Variants in TAFA2 observed in about 807,000 individuals in gnomAD.
The protein encoded by TAFA2 is TAFA chemokine like family member 2.
TAFA2 carries 7 observed loss-of-function variants against 18.8 expected under a neutral mutation model. That is an observed-to-expected ratio of 0.37 (90% CI 0.21 to 0.70). The LOEUF is 0.70. Ranked by LOEUF, TAFA2 falls within the 30% of genes least tolerant of loss-of-function variation. TAFA2 has a pLI of 0.53. For missense variants in TAFA2, 122 were observed against 158.1 expected (o/e 0.77, Z 1.23); for synonymous variants, 60 against 54.2 (o/e 1.11, Z -0.47).
intron 1 of TAFA2, among the ~76,000 whole-genome samples, chr12:62,108,903 C>A (rs1026689634): frequency 2.0e-5 from 3 of 152,268 alleles, no homozygotes; most frequent in Non-Finnish European, 4.4e-5. Context: ...GGAAAGATTG[C>A]AAAATTTTTC....
rs142390011 is a variant in TAFA2 at position 62,250,010 on chromosome 12, A to G, written c.-130+8753T>C. 1.2e-3 allele frequency among the ~76,000 whole-genome samples: 184 copies of G among 152,330 alleles called. 1 individual carries two copies. The highest frequency in any genetic ancestry group is 3.5e-3 in the East Asian group (18 of 5,184). On this transcript the variant is annotated intron_variant, in intron 1 of 5. Coordinates refer to the TAFA2 transcript ENST00000551619. ...AGGAATACCTGAGTCTGGGTAATTTATAATGAAAAAGGGTTTATTTGTCTC... is the reference window on the plus strand; with the variant it reads ...AGGAATACCTGAGTCTGGGTAATTTGTAATGAAAAAGGGTTTATTTGTCTC...
chr12:61,970,462 C>G (rs925432363), intron 1 of TAFA2, among the ~76,000 whole-genome samples: 2 of 151,302 alleles, frequency 1.3e-5, no homozygotes, highest in Non-Finnish European at 3.0e-5. Flanking sequence ...ATAAGCAAGA[C>G]TTAAATAAAC....
At chr12:62,133,292 G>T (rs373613958) in intron 1 of TAFA2, among the ~76,000 whole-genome samples, 5 of 151,940 alleles carry the variant, frequency 3.3e-5, no homozygotes, top group East Asian at 3.9e-4. Context: ...TTGTCACCAT[G>T]GTTGTTTCAG....
At chr12:62,152,430 A>G (rs943978996) in intron 1 of TAFA2, among the ~76,000 whole-genome samples, 4 of 152,208 alleles carry the variant, frequency 2.6e-5, no homozygotes, top group Non-Finnish European at 5.9e-5. Context: ...TTCACTCCTT[A>G]GAGATTTTAC....
intron 1 of TAFA2, among the ~76,000 whole-genome samples, chr12:62,241,391 G>C (rs1463604212): frequency 6.6e-6 from 1 of 152,212 alleles, no homozygotes; most frequent in Non-Finnish European, 1.5e-5. Flanking sequence ...GTAATTCTCA[G>C]ATTCAAGAAG....
intron 1 of TAFA2, among the ~76,000 whole-genome samples, chr12:61,941,219 C>T (rs851913): frequency 0.97 from 147,605 of 152,258 alleles, 71,586 homozygotes; most frequent in African/African-American, 0.99. Flanking sequence ...ACTTATATTA[C>T]TAATAACTTT....
intron 2 of TAFA2, among the ~76,000 whole-genome samples, chr12:61,758,041 T>G (rs1869358901): frequency 6.6e-6 from 1 of 152,040 alleles, no homozygotes; most frequent in South Asian, 2.1e-4. Context: ...AAATGAGTCA[T>G]GTATAAAGTG....
chr12:61,930,410 T>C (rs1402640603), intron 1 of TAFA2, among the ~76,000 whole-genome samples: 1 of 152,228 alleles, frequency 6.6e-6, no homozygotes, highest in East Asian at 1.9e-4. Flanking sequence ...GTAGAAGACA[T>C]GCATTCAACA....
At chr12:61,874,445 T>C (rs1228937874) in intron 1 of TAFA2, among the ~76,000 whole-genome samples, 3 of 152,100 alleles carry the variant, frequency 2.0e-5, no homozygotes, top group Admixed American at 6.6e-5. Context: ...TTTCTAAGGA[T>C]TTTCTGGCAA....
intron 1 of TAFA2, among the ~76,000 whole-genome samples, chr12:61,965,366 G>A (rs1879032836): frequency 1.3e-5 from 2 of 151,894 alleles, no homozygotes; most frequent in African/African-American, 2.4e-5. Flanking sequence ...CTCCAGAACT[G>A]TGAAACATAA....
At chr12:62,004,373 C>A (rs770414580) in intron 1 of TAFA2, among the ~76,000 whole-genome samples, 7 of 152,098 alleles carry the variant, frequency 4.6e-5, no homozygotes, top group East Asian at 1.9e-4. Flanking sequence ...TGGTTATATT[C>A]TTTTCAACTC....
intron 1 of TAFA2, among the ~76,000 whole-genome samples, chr12:62,088,633 A>T (rs1341081854): frequency 6.8e-6 from 1 of 147,194 alleles, no homozygotes; most frequent in African/African-American, 2.5e-5. Flanking sequence ...AAAAAAAAAA[A>T]GACACTGGAA....
chr12:61,867,143 T>C (rs933070572), intron 2 of TAFA2, among the ~76,000 whole-genome samples, 177 bp downstream of exon 2: 6 of 152,124 alleles, frequency 3.9e-5, no homozygotes, highest in Non-Finnish European at 8.8e-5. Flanking sequence ...GAAAATATCA[T>C]CTTTCTCTAT....
chr12:62,234,434 G>T, intron 1 of TAFA2: 1 of 766,386 alleles, frequency 1.3e-6, no homozygotes, highest in Non-Finnish European at 2.4e-6. Context: ...TTGGCCCGTG[G>T]GTCTGAGGGT....
At chr12:61,933,601 C>T (rs1428155219) in intron 1 of TAFA2, among the ~76,000 whole-genome samples, 2 of 152,056 alleles carry the variant, frequency 1.3e-5, no homozygotes, top group African/African-American at 4.8e-5. Flanking sequence ...GTAGTCCCAG[C>T]TAATGGGAAG....
At chr12:62,233,840 G>T (rs879676227) in intron 1 of TAFA2, among the ~76,000 whole-genome samples, 3 of 152,158 alleles carry the variant, frequency 2.0e-5, no homozygotes, top group Admixed American at 2.0e-4. Flanking sequence ...TCCATCCCAG[G>T]TATACTGGGG....
chr12:61,795,042 G>A (rs377534093), intron 2 of TAFA2, among the ~76,000 whole-genome samples: 74 of 152,118 alleles, frequency 4.9e-4, no homozygotes, highest in African/African-American at 1.3e-3. Flanking sequence ...ACCATCTCAC[G>A]CCAGTTAGAA....
Position 61,900,258 on chromosome 12 carries a change from T to C in TAFA2, c.-1-32832A>G, listed in dbSNP as rs548347669. On this transcript the variant is annotated intron_variant, in intron 1 of 4. Coordinates refer to ENST00000416284, the MANE Select transcript of TAFA2 (RefSeq NM_178539.5). The stretch of plus-strand genomic sequence containing the variant: ...TATTGGTCATAGGGAATGCATGTGT[T>C]TATGTTTACAAGATAAGCCTAAATA... 1.6e-4 allele frequency among the ~76,000 whole-genome samples: 25 copies of C among 152,320 alleles called. No homozygotes were observed. The East Asian group carries it at 4.4e-3, about 27-fold the overall frequency.
chr12:62,185,800 T>G (rs1389715885), intron 1 of TAFA2, among the ~76,000 whole-genome samples: 2 of 152,248 alleles, frequency 1.3e-5, no homozygotes, highest in Admixed American at 1.3e-4. Context: ...TATAATGCCC[T>G]ATTGTTTGTA....
Sources: allele counts gnomAD v4.1 joint callset (sites outside exome capture counted in the v4.1 genomes callset), GRCh38; gene constraint gnomAD v4.1.1; transcripts MANE v1.5; gene names NCBI Gene and HGNC (gene_info 2026-07-23, HGNC 2026-07-21).